THSD7B: variants seen among roughly 807,000 people sequenced by gnomAD.
The protein encoded by THSD7B is thrombospondin type 1 domain containing 7B, also known as thrombospondin type-1 domain-containing protein 7B.
Under a neutral mutation model 213.6 loss-of-function variants are expected in THSD7B, and 138 were observed. The ratio of observed to expected loss-of-function variants is 0.65; its 90% CI spans 0.56 to 0.74. The LOEUF (loss-of-function observed/expected upper bound fraction) is 0.74. Among genes scored for constraint, THSD7B ranks in the 30% least tolerant of loss-of-function variants. The probability of loss-of-function intolerance (pLI) is 0.00; values close to 1 mark genes in which losing one functional copy is unlikely to be tolerated. For synonymous variants in THSD7B, 742 were observed against 687.0 expected (o/e 1.08, Z -1.25); for missense variants, 1,931 against 1,991.5 (o/e 0.97, Z 0.58).
intron 6 of THSD7B, among the ~76,000 whole-genome samples, chr2:137,166,619 A>C (rs1369412801): frequency 6.6e-6 from 1 of 152,198 alleles, no homozygotes; most frequent in Non-Finnish European, 1.5e-5. Flanking sequence ...GAAACTGAGA[A>C]GCCATGACTC....
chr2:137,336,006 T>C (rs1021561907), intron 12 of THSD7B, among the ~76,000 whole-genome samples: 9 of 152,300 alleles, frequency 5.9e-5, no homozygotes, highest in African/African-American at 2.2e-4. Context: ...ATGAATATTA[T>C]TTAATAACCT....
In THSD7B at chr2:136,943,002, C is replaced by T. The variant is rs191706591; in HGVS notation, c.139+60685C>T. 5.9e-5 allele frequency among the ~76,000 whole-genome samples: 9 copies of T among 152,166 alleles called. No individual in the cohort carries two copies. The East Asian group carries it at 1.2e-3, about 20-fold the overall frequency. On this transcript the variant is annotated intron_variant, in intron 2 of 27. Coordinates refer to ENST00000409968, the MANE Select transcript of THSD7B (RefSeq NM_001316349.2). ...GGCTGTGGCTTTGTCATAAATAGTT[C>T]TTATTATTTTGAGATATGTCCCATC...
chr2:137,309,736 A>G (rs1339299085), intron 12 of THSD7B, among the ~76,000 whole-genome samples: 1 of 151,676 alleles, frequency 6.6e-6, no homozygotes, highest in Non-Finnish European at 1.5e-5. Context: ...ATTCCCACCT[A>G]TGAGTGAGAA....
chr2:137,546,718 T>C (rs1680748653), intron 15 of THSD7B, among the ~76,000 whole-genome samples: 1 of 150,784 alleles, frequency 6.6e-6, no homozygotes, highest in Non-Finnish European at 1.5e-5. Flanking sequence ...TTTAACCTAT[T>C]ATCAAGGCCA....
chr2:137,534,633 C>T (rs1423091292), intron 15 of THSD7B, among the ~76,000 whole-genome samples: 17 of 151,554 alleles, frequency 1.1e-4, no homozygotes, highest in Non-Finnish European at 2.2e-4. Context: ...GTACCTGATA[C>T]TAAAATATAT....
In THSD7B at chr2:136,866,909, A is replaced by T. The variant is rs145983213; in HGVS notation, c.-35-15235A>T. ...GCCTAATTGGTAATCAATTTTCCATATGTGTTTGAGGTTGCTGGCTTTTCT... is the reference window on the plus strand; with the variant it reads ...GCCTAATTGGTAATCAATTTTCCATTTGTGTTTGAGGTTGCTGGCTTTTCT... On this transcript the variant is annotated intron_variant, in intron 1 of 27. Coordinates refer to ENST00000409968, the MANE Select transcript of THSD7B (RefSeq NM_001316349.2). 8.7e-4 allele frequency among the ~76,000 whole-genome samples: 132 copies of T among 151,246 alleles called. 1 individual carries two copies. Among genetic ancestry groups the T allele is most frequent in the South Asian group, 1.9e-3 (9 of 4,770 alleles).
At chr2:137,451,326 A>ATG (rs1164185878) in intron 15 of THSD7B, among the ~76,000 whole-genome samples, 1 of 151,590 alleles carries the variant, frequency 6.6e-6, no homozygotes, top group African/African-American at 2.4e-5. Flanking sequence ...GGATATATAT[A>ATG]TGTGTGTATA....
chr2:136,867,924 G>A (rs772193859), intron 1 of THSD7B, among the ~76,000 whole-genome samples: 3 of 152,092 alleles, frequency 2.0e-5, no homozygotes, highest in Non-Finnish European at 2.9e-5. Context: ...GACAAAGAGT[G>A]GCTTTTTATT....
chr2:136,973,470 T>G (rs1333485015), intron 2 of THSD7B, among the ~76,000 whole-genome samples: 2 of 152,168 alleles, frequency 1.3e-5, no homozygotes, highest in East Asian at 3.8e-4. Flanking sequence ...TTTCTTATAA[T>G]GGGGTTGTAT....
intron 2 of THSD7B, among the ~76,000 whole-genome samples, chr2:137,026,059 T>C (rs945212326): frequency 3.9e-5 from 6 of 152,154 alleles, no homozygotes; most frequent in African/African-American, 1.4e-4. Flanking sequence ...TGTTTTTTCT[T>C]GTATTCTGAT....
chr2:137,515,122 G>A (rs558518336), intron 15 of THSD7B, among the ~76,000 whole-genome samples: 6 of 152,162 alleles, frequency 3.9e-5, no homozygotes, highest in East Asian at 1.9e-4. Flanking sequence ...GGTGTCTACC[G>A]TTAAAGTGAG....
At chr2:137,583,461 T>A (rs1247274680) in intron 17 of THSD7B, among the ~76,000 whole-genome samples, 3 of 152,256 alleles carry the variant, frequency 2.0e-5, no homozygotes, top group African/African-American at 7.2e-5. Flanking sequence ...CTAGGGTTTT[T>A]ATGGTTTTAG....
intron 1 of THSD7B, among the ~76,000 whole-genome samples, chr2:136,786,102 G>A (rs1420633863): frequency 1.3e-5 from 2 of 152,106 alleles, no homozygotes; most frequent in Non-Finnish European, 2.9e-5. Flanking sequence ...ACACAGTCTT[G>A]TGTTATTACA....
chr2:137,257,138 C>T (rs1175719054), intron 10 of THSD7B, among the ~76,000 whole-genome samples: 2 of 152,184 alleles, frequency 1.3e-5, no homozygotes, highest in Admixed American at 6.5e-5. Context: ...AAAGGAGCCA[C>T]CTCTCACTTC....
chr2:137,382,469 G>A (rs1685799094), intron 12 of THSD7B, among the ~76,000 whole-genome samples: 1 of 152,234 alleles, frequency 6.6e-6, no homozygotes, highest in South Asian at 2.1e-4. Flanking sequence ...TGGAGCACTT[G>A]AGAACGCCAG....
At chr2:137,499,545 T>G (rs1679652673) in intron 15 of THSD7B, among the ~76,000 whole-genome samples, 1 of 152,240 alleles carries the variant, frequency 6.6e-6, no homozygotes, top group Non-Finnish European at 1.5e-5. Flanking sequence ...TCTCATCTTC[T>G]ACTTTTGATC....
intron 1 of THSD7B, among the ~76,000 whole-genome samples, chr2:136,803,516 G>A (rs1331191879): frequency 2.6e-5 from 4 of 152,132 alleles, no homozygotes; most frequent in Admixed American, 1.3e-4. Flanking sequence ...TGGCTGTTTT[G>A]TAGAATATGC....
intron 2 of THSD7B, among the ~76,000 whole-genome samples, chr2:136,922,675 T>C (rs898517782): frequency 1.3e-5 from 2 of 152,194 alleles, no homozygotes; most frequent in Admixed American, 6.5e-5. Context: ...TTAAAGTAGA[T>C]AACCTAGACA....
chr2:137,594,026 G>A (rs374699971), intron 17 of THSD7B, among the ~76,000 whole-genome samples: 4 of 152,074 alleles, frequency 2.6e-5, no homozygotes, highest in East Asian at 3.9e-4. Context: ...GATTTATTAA[G>A]GAAGTGTTAA....
Sources: gnomAD v4.1 joint callset for allele counts (sites outside exome capture counted in the v4.1 genomes callset) on GRCh38, gnomAD v4.1.1 for gene constraint, MANE v1.5 for transcripts, NCBI Gene and HGNC (gene_info 2026-07-23, HGNC 2026-07-21) for gene names.